Variants in COL7A1 observed in about 807,000 individuals in gnomAD.
COL7A1 encodes the protein collagen alpha-1(VII) chain.
COL7A1 carries 296 observed loss-of-function variants against 456.2 expected under a neutral mutation model. That is an observed-to-expected ratio of 0.65 (90% CI 0.59 to 0.71). The LOEUF (loss-of-function observed/expected upper bound fraction) is 0.71. Among genes scored for constraint, COL7A1 ranks in the 30% least tolerant of loss-of-function variants. The pLI, the probability that COL7A1 is intolerant of heterozygous loss-of-function variation, is 0.00. For synonymous variants in COL7A1, 1,464 were observed against 1,525.9 expected (o/e 0.96, Z 0.95); for missense variants, 3,441 against 4,017.2 (o/e 0.86, Z 3.88).
intron 2 of COL7A1, 32 bp downstream of exon 2, chr3:48,595,043 C>T (rs1353154940): frequency 6.6e-7 from 1 of 1,524,030 alleles, no homozygotes; most frequent in Non-Finnish European, 8.9e-7. Flanking sequence ...CGGTGCAGTG[C>T]CCCGGGCCGG....
chr3:48,592,816 G>A lies in COL7A1; in HGVS notation c.805C>T (p.Leu269=), dbSNP rs763213748. The A allele has an allele frequency of 2.5e-6, 4 of 1,613,832 alleles. No individual in the cohort carries two copies. The East Asian group carries it at 8.9e-5, about 36-fold the overall frequency. Reference sequence around the variant, plus strand: ...GGCAGTGGCTGTCCCAGCCCCGTCAGAGGAGTGTACTGGACCTTGTAGCCA... The same window carrying A: ...GGCAGTGGCTGTCCCAGCCCCGTCAAAGGAGTGTACTGGACCTTGTAGCCA... ...VTGYKVQYTP[L]TGLGQPLPSE... is the part of the protein sequence containing the mutation. Residue 269 remains leucine (L), a synonymous_variant, in exon 7 of 119, where the codon CTG becomes TTG. Coordinates refer to ENST00000681320, the MANE Select transcript of COL7A1 (RefSeq NM_000094.4). The surrounding 1 kb of genome is among the most constrained non-coding windows in gnomAD (Gnocchi z 7.6).
At chr3:48,584,193 G>A in intron 37 of COL7A1, 105 bp downstream of exon 37, 9 of 1,557,478 alleles carry the variant, frequency 5.8e-6, no homozygotes, top group Non-Finnish European at 7.9e-6. Context: ...GGTGAGGATG[G>A]GGGTAATCAA....
Position 48,568,467 on chromosome 3 carries a change from A to C in COL7A1, c.7794+32T>G, listed in dbSNP as rs746623429. On this transcript the variant is annotated intron_variant, in intron 105 of 118. Coordinates refer to ENST00000681320, the MANE Select transcript of COL7A1 (RefSeq NM_000094.4). This position sits in a 1 kb window ranked among gnomAD's most constrained non-coding sequence, Gnocchi z 5.2. Reference sequence around the variant, plus strand: ...ATGGTGACGGGGGCCCTCTGGGGACAGGGGGCCCCTGTGGGAGCAGGGGCA... The same window carrying C: ...ATGGTGACGGGGGCCCTCTGGGGACCGGGGGCCCCTGTGGGAGCAGGGGCA... 1.9e-6 allele frequency: 3 copies of C among 1,587,138 alleles called. No individual in the cohort carries two copies. Among genetic ancestry groups the C allele is most frequent in the Non-Finnish European group, 1.7e-6 (2 of 1,162,916 alleles).
At position 48,582,623 on chromosome 3, in the gene COL7A1, C is replaced by T; in HGVS notation, c.4549G>A (p.Ala1517Thr). The T allele has an allele frequency of 1.9e-6, 3 of 1,613,636 alleles. No homozygotes were observed. Among genetic ancestry groups the T allele is most frequent in the Non-Finnish European group, 2.5e-6 (3 of 1,180,038 alleles). The part of the protein sequence containing the change: ...GLPGVAGRPG[A>T]KGPEGPPGPT... ...CACAGACTCACTTCAGGACCCTTGGCTCCAGGACGTCCAGCAACCCCTGGC... is the reference window on the plus strand; with the variant it reads ...CACAGACTCACTTCAGGACCCTTGGTTCCAGGACGTCCAGCAACCCCTGGC... Residue 1517 changes from alanine to threonine, a missense_variant, in exon 45 of 119, where the codon GCC (alanine) becomes ACC (threonine). Physicochemically the swap from Ala to Thr is moderately conservative, Grantham distance 58. Coordinates refer to ENST00000681320, the MANE Select transcript of COL7A1 (RefSeq NM_000094.4).
At position 48,575,438 on chromosome 3, in the gene COL7A1, G is replaced by A. The variant is rs375047225; in HGVS notation, c.6081C>T (p.Pro2027=). 166 of 1,607,738 alleles carry A rather than the reference G, an allele frequency of 1.0e-4. 1 individual carries two copies. Among genetic ancestry groups the A allele is most frequent in the Middle Eastern group, 6.7e-4 (4 of 5,962 alleles). The change falls in exon 74 of 119, where the codon CCC becomes CCT. Residue 2027 remains proline (P), a synonymous_variant. Transcript: ENST00000681320. This position sits in a 1 kb window ranked among gnomAD's most constrained non-coding sequence, Gnocchi z 6.3. The stretch of plus-strand genomic sequence containing the variant: ...GCTCCCCGGCAAGGCCGGAAGGCCC[G>A]GGGGGGCCCCTCTCCCCAAGGGCCA... ...PGLALGERGP[P]GPSGLAGEPG...
rs2044662431 is a variant in COL7A1 at position 48,580,424 on chromosome 3, G to A, written c.5053-80C>T. The A allele has an allele frequency of 1.9e-6, 3 of 1,545,476 alleles. No individual in the cohort carries two copies. In the Admixed American group the frequency reaches 5.4e-5, roughly 28 times the overall value. On this transcript the variant is annotated intron_variant, in intron 55 of 118. Transcript: ENST00000681320. The surrounding 1 kb of genome is among the most constrained non-coding windows in gnomAD (Gnocchi z 4.5). Reference sequence around the variant, plus strand: ...TTTGGAAGCACCATGAGGACTCATGGGAATGTTGGTAGCCTTCAGATGCGT... The same window carrying A: ...TTTGGAAGCACCATGAGGACTCATGAGAATGTTGGTAGCCTTCAGATGCGT...
At position 48,570,166 on chromosome 3, in the gene COL7A1, G is replaced by A. The variant is rs868422300; in HGVS notation, c.7453C>T (p.Arg2485Cys). The A allele has an allele frequency of 1.9e-5, 30 of 1,614,046 alleles. 1 individual carries two copies. Among genetic ancestry groups the A allele is most frequent in the Middle Eastern group, 3.3e-4 (2 of 6,084 alleles). ...CCTCGGGGTCCCTCCTGGCCGGGGC[G>A]GCCATCTTCACCCTGGATGGTGACA... ...GEPGIRGEDG[R>C]PGQEGPRGLT... Residue 2485 changes from arginine (R) to cysteine (C), a missense_variant, in exon 99 of 119, where the codon CGC becomes TGC. Physicochemically the swap from Arg to Cys is radical, Grantham distance 180. Coordinates refer to ENST00000681320, the MANE Select transcript of COL7A1 (RefSeq NM_000094.4). This position sits in a 1 kb window ranked among gnomAD's most constrained non-coding sequence, Gnocchi z 5.5.
chr3:48,573,363 G>C lies in COL7A1; in HGVS notation c.6619-15C>G. On this transcript the variant is annotated splice_polypyrimidine_tract_variant and intron_variant, in intron 83 of 118. Coordinates refer to ENST00000681320, the MANE Select transcript of COL7A1 (RefSeq NM_000094.4). This position sits in a 1 kb window ranked among gnomAD's most constrained non-coding sequence, Gnocchi z 5.5. Reference sequence around the variant, plus strand: ...CCAGGCTCCCCCTGCAAACAACCCAGAGACTGCATGAGCAGAGCCCACGTG... The same window carrying C: ...CCAGGCTCCCCCTGCAAACAACCCACAGACTGCATGAGCAGAGCCCACGTG... 1 of 1,614,062 alleles carries C rather than the reference G, an allele frequency of 6.2e-7. No individual in the cohort carries two copies. The highest frequency in any genetic ancestry group is 8.5e-7 in the Non-Finnish European group (1 of 1,180,022).
chr3:48,593,820 C>T lies in COL7A1; in HGVS notation c.267-124G>A. 8.6e-7 allele frequency: 1 copy of T among 1,162,986 alleles called. No homozygotes were observed. The allele number at this position is 1,162,986 out of a possible 1,614,324, so 72.0% of individuals were successfully genotyped here. ...CTCTTGAGGGGTCCCTTCGTTCTGT[C>T]ATTCTCCACACCCACTTGCCTCTGG... On this transcript the variant is annotated intron_variant, in intron 3 of 118. Transcript: ENST00000681320. This position sits in a 1 kb window ranked among gnomAD's most constrained non-coding sequence, Gnocchi z 4.4.
rs150249857 is a variant in COL7A1 at position 48,575,277 on chromosome 3, TG to T, written c.6181-36del. The T allele has an allele frequency of 5.0e-6, 8 of 1,613,116 alleles. No individual in the cohort carries two copies. In the East Asian group the frequency reaches 1.3e-4, roughly 27 times the overall value. On this transcript the variant is annotated intron_variant, in intron 74 of 118. Transcript: ENST00000681320. This position sits in a 1 kb window ranked among gnomAD's most constrained non-coding sequence, Gnocchi z 6.3. ...AAATAGCGGGTGAGGGCCAAGCCCA[TG>T]GGGGGTCCCACCCCTCCCAACCCCT... is the stretch of plus-strand genomic sequence containing the variant.
Position 48,568,754 on chromosome 3 carries a change from G to A in COL7A1, c.7758+30C>T. The stretch of plus-strand genomic sequence containing the variant: ...TGTGTGATGCTGGCTCTGGACCTGG[G>A]CCTGGGCCTGGGCCTGGGGCAGAAC... On this transcript the variant is annotated intron_variant, in intron 104 of 118. Transcript: ENST00000681320. This position sits in a 1 kb window ranked among gnomAD's most constrained non-coding sequence, Gnocchi z 5.2. 1 of 1,551,382 alleles carries A rather than the reference G, an allele frequency of 6.4e-7. No individual in the cohort carries two copies. Among genetic ancestry groups the A allele is most frequent in the Non-Finnish European group, 8.7e-7 (1 of 1,145,586 alleles).
At position 48,570,861 on chromosome 3, in the gene COL7A1, C is replaced by A. The variant is rs1249912683; in HGVS notation, c.7272G>T (p.Arg2424=). ...CTACATGCTGTTCCCAGCCCCTCAC[C>A]CGCTCTCCACTAGGGCCTGGCTGAC... ...EMGQPGPSGE[R]GLAGPPGREG... The change falls in exon 95 of 119, where the codon CGG becomes CGT. Residue 2424 remains arginine, a splice_region_variant and synonymous_variant. Coordinates refer to ENST00000681320, the MANE Select transcript of COL7A1 (RefSeq NM_000094.4). This position sits in a 1 kb window ranked among gnomAD's most constrained non-coding sequence, Gnocchi z 5.5. 1 of 1,609,702 alleles carries A rather than the reference C, an allele frequency of 6.2e-7. No individual in the cohort carries two copies. The highest frequency in any genetic ancestry group is 8.5e-7 in the Non-Finnish European group (1 of 1,178,382).
chr3:48,577,446 G>A (rs908504076), intron 65 of COL7A1, among the ~76,000 whole-genome samples: 1 of 152,230 alleles, frequency 6.6e-6, no homozygotes, highest in Non-Finnish European at 1.5e-5. Flanking sequence ...CAAAGAGCAT[G>A]GGCTTATACA....
Position 48,573,027 on chromosome 3 carries a change from T to C in COL7A1, c.6744A>G (p.Gly2248=), listed in dbSNP as rs777395967. Reference sequence around the variant, plus strand: ...CTTGACCCCCAGAACTCACCACTTGTCCAGGCAAACCTGGAGACCCCTGTG... The same window carrying C: ...CTTGACCCCCAGAACTCACCACTTGCCCAGGCAAACCTGGAGACCCCTGTG... ...VGPQGSPGLP[G]QVGETGKPGA... The change falls in exon 86 of 119, where the codon GGA becomes GGG. Residue 2248 remains glycine (G), a synonymous_variant. Coordinates refer to ENST00000681320, the MANE Select transcript of COL7A1 (RefSeq NM_000094.4). This position sits in a 1 kb window ranked among gnomAD's most constrained non-coding sequence, Gnocchi z 5.5. 4.6e-5 allele frequency: 74 copies of C among 1,613,822 alleles called. No homozygotes were observed. The highest frequency in any genetic ancestry group is 5.5e-5 in the Non-Finnish European group (65 of 1,179,982).
chr3:48,585,750 A>T lies in COL7A1; in HGVS notation c.3787-16T>A. ...CTCTCAGGCCCTAGGAAGGGTAATC[A>T]GTGAGACCTGTGCTGCCAACCTCTC... On this transcript the variant is annotated splice_polypyrimidine_tract_variant and intron_variant, in intron 30 of 118. Coordinates refer to ENST00000681320, the MANE Select transcript of COL7A1 (RefSeq NM_000094.4). This position sits in a 1 kb window ranked among gnomAD's most constrained non-coding sequence, Gnocchi z 4.5. The T allele has an allele frequency of 6.2e-7, 1 of 1,614,004 alleles. No homozygotes were observed. Among genetic ancestry groups the T allele is most frequent in the Non-Finnish European group, 8.5e-7 (1 of 1,180,008 alleles).
In COL7A1 at chr3:48,588,388, T is replaced by A. The variant is rs2107764373; in HGVS notation, c.2604A>T (p.Pro868=). ...IVVTTPPEAP[P]ALGTLHVVQR... Reference sequence around the variant, plus strand: ...GCACCACGTGAAGCGTCCCCAGGGCTGGCGGAGCCTCAGGCGCTGGAGAGA... The same window carrying A: ...GCACCACGTGAAGCGTCCCCAGGGCAGGCGGAGCCTCAGGCGCTGGAGAGA... Residue 868 remains proline, a synonymous_variant, in exon 21 of 119, where the codon CCA becomes CCT. Coordinates refer to ENST00000681320, the MANE Select transcript of COL7A1 (RefSeq NM_000094.4). The surrounding 1 kb of genome is among the most constrained non-coding windows in gnomAD (Gnocchi z 4.6). 2.5e-6 allele frequency: 4 copies of A among 1,611,094 alleles called. No homozygotes were observed. Among genetic ancestry groups the A allele is most frequent in the Non-Finnish European group, 3.4e-6 (4 of 1,179,846 alleles).
Position 48,569,843 on chromosome 3 carries a change from C to A in COL7A1, c.7521+37G>T. The A allele has an allele frequency of 1.2e-6, 2 of 1,614,110 alleles. No homozygotes were observed. Among genetic ancestry groups the A allele is most frequent in the Non-Finnish European group, 1.7e-6 (2 of 1,179,972 alleles). Reference sequence around the variant, plus strand: ...CTAATATCATACAAGATCCACTCACCCCCCCACTCATGCCAGGACCTTCCC... The same window carrying A: ...CTAATATCATACAAGATCCACTCACACCCCCACTCATGCCAGGACCTTCCC... On this transcript the variant is annotated intron_variant, in intron 100 of 118. Coordinates refer to ENST00000681320, the MANE Select transcript of COL7A1 (RefSeq NM_000094.4). The surrounding 1 kb of genome is among the most constrained non-coding windows in gnomAD (Gnocchi z 4.9).
chr3:48,582,707 A>G (rs1419051086), intron 44 of COL7A1, 54 bp from the exon 45 acceptor site: 1 of 1,594,198 alleles, frequency 6.3e-7, no homozygotes, highest in Non-Finnish European at 8.6e-7. Context: ...GGGGATATGG[A>G]CAGACAGGGC....
At position 48,568,500 on chromosome 3, in the gene COL7A1, G is replaced by A. The variant is rs200138839; in HGVS notation, c.7793C>T (p.Pro2598Leu). ...CCTGTGGGAGCAGGGGCATCTTACC[G>A]GGTCACCAGGGATCCCTGCTGCACC... ...QPGAAGIPGD[P>L]GSPGKDGVPG... is the part of the protein sequence containing the mutation. The change falls in exon 105 of 119, where the codon CCG becomes CTG. Residue 2598 changes from proline (P) to leucine (L), a missense_variant and splice_region_variant. Coordinates refer to ENST00000681320, the MANE Select transcript of COL7A1 (RefSeq NM_000094.4). The surrounding 1 kb of genome is among the most constrained non-coding windows in gnomAD (Gnocchi z 5.2). 166 of 1,604,174 alleles carry A rather than the reference G, an allele frequency of 1.0e-4. No individual in the cohort carries two copies. Among genetic ancestry groups the A allele is most frequent in the Non-Finnish European group, 7.2e-5 (85 of 1,173,338 alleles).
Sources: allele counts gnomAD v4.1 joint callset (sites outside exome capture counted in the v4.1 genomes callset), GRCh38; gene constraint gnomAD v4.1.1; non-coding constraint Gnocchi (gnomAD v3.1); transcripts MANE v1.5; gene names NCBI Gene and HGNC (gene_info 2026-07-23, HGNC 2026-07-21).